Variants in DYNC1I1 observed in about 807,000 individuals in gnomAD.
DYNC1I1 encodes cytoplasmic dynein 1 intermediate chain 1.
DYNC1I1 carries 43 observed loss-of-function variants against 86.6 expected under a neutral mutation model. The ratio of observed to expected loss-of-function variants is 0.50; its 90% CI spans 0.39 to 0.64. The LOEUF (loss-of-function observed/expected upper bound fraction) is 0.64, where lower values mean the gene tolerates loss of function less well. Among genes scored for constraint, DYNC1I1 ranks in the 30% least tolerant of loss-of-function variants. The pLI is 0.00. For synonymous variants in DYNC1I1, 262 were observed against 283.7 expected, an observed-to-expected ratio of 0.92 and a Z score of 0.77; for missense variants, 604 against 788.8, an observed-to-expected ratio of 0.77 and a Z score of 2.81.
intron 1 of DYNC1I1, among the ~76,000 whole-genome samples, chr7:95,803,768 A>G (rs1214004685): frequency 6.6e-6 from 1 of 152,132 alleles, no homozygotes; most frequent in East Asian, 1.9e-4. Flanking sequence ...TTATTTTAGA[A>G]ATTTGGGCGA....
chr7:95,784,014 G>A (rs1794064483), intron 1 of DYNC1I1, among the ~76,000 whole-genome samples: 1 of 152,082 alleles, frequency 6.6e-6, no homozygotes, highest in Non-Finnish European at 1.5e-5. Flanking sequence ...TACAAACATT[G>A]ACTTCCTGAA....
At chr7:96,054,969 A>T (rs1400516573) in intron 14 of DYNC1I1, among the ~76,000 whole-genome samples, 1 of 152,028 alleles carries the variant, frequency 6.6e-6, no homozygotes, top group African/African-American at 2.4e-5. Flanking sequence ...CTTTAGTTGT[A>T]TTAGATCTCA....
downstream of DYNC1I1, among the ~76,000 whole-genome samples, chr7:96,100,992 C>A (rs913004259): frequency 1.3e-5 from 2 of 152,144 alleles, no homozygotes; most frequent in Non-Finnish European, 2.9e-5. Context: ...TTAGCAGTAG[C>A]TTTCCTTTGT....
intron 5 of DYNC1I1, among the ~76,000 whole-genome samples, chr7:95,838,050 G>A (rs1789164783): frequency 2.6e-5 from 4 of 152,180 alleles, no homozygotes; most frequent in Admixed American, 2.6e-4. Flanking sequence ...AGTCCCGCTT[G>A]TCTACTTTTG....
At chr7:95,849,579 G>A (rs560150774) in intron 5 of DYNC1I1, among the ~76,000 whole-genome samples, 42 of 152,204 alleles carry the variant, frequency 2.8e-4, no homozygotes, top group African/African-American at 9.4e-4. Flanking sequence ...TGGTCTGTAT[G>A]TATGTTTTTA....
chr7:95,913,996 T>G (rs1304839150), intron 6 of DYNC1I1, among the ~76,000 whole-genome samples: 1 of 152,182 alleles, frequency 6.6e-6, no homozygotes, highest in East Asian at 1.9e-4. Flanking sequence ...GGCAGAATTG[T>G]GCATTTGATC....
intron 4 of DYNC1I1, among the ~76,000 whole-genome samples, chr7:95,825,588 T>C (rs192149907): frequency 6.6e-6 from 1 of 152,302 alleles, no homozygotes; most frequent in Non-Finnish European, 1.5e-5. Flanking sequence ...GGGCTAATTT[T>C]CTTCAGCAGA....
chr7:95,779,253 T>G (rs1220039011), intron 1 of DYNC1I1, among the ~76,000 whole-genome samples: 1 of 152,206 alleles, frequency 6.6e-6, no homozygotes, highest in East Asian at 1.9e-4. Context: ...AAGTCAATTT[T>G]TTTGTCTTTA....
chr7:96,063,386 C>A (rs1789852581), intron 14 of DYNC1I1, among the ~76,000 whole-genome samples: 1 of 152,110 alleles, frequency 6.6e-6, no homozygotes. Flanking sequence ...GCCTTCTCTT[C>A]TCATTTGAGA....
At chr7:95,849,875 G>A (rs1789531827) in intron 5 of DYNC1I1, among the ~76,000 whole-genome samples, 1 of 152,102 alleles carries the variant, frequency 6.6e-6, no homozygotes, top group Non-Finnish European at 1.5e-5. Context: ...CAATTTATTT[G>A]TGTCTTCTTC....
chr7:95,914,168 C>T (rs1791410275), intron 6 of DYNC1I1, among the ~76,000 whole-genome samples: 1 of 152,222 alleles, frequency 6.6e-6, no homozygotes, highest in Non-Finnish European at 1.5e-5. Flanking sequence ...CACATTTCAT[C>T]TATGACATCA....
intron 7 of DYNC1I1, among the ~76,000 whole-genome samples, chr7:95,977,902 C>T (rs1584219148): frequency 6.6e-6 from 1 of 152,250 alleles, no homozygotes; most frequent in African/African-American, 2.4e-5. Flanking sequence ...TTCACAGAAC[C>T]ATATATTCCC....
At chr7:95,866,397 C>T (rs548318480) in intron 5 of DYNC1I1, among the ~76,000 whole-genome samples, 12 of 152,206 alleles carry the variant, frequency 7.9e-5, no homozygotes, top group South Asian at 2.1e-4. Context: ...TTAGAGAACA[C>T]GCAGGAAAAC....
At position 96,098,287 on chromosome 7, in the gene DYNC1I1, C is replaced by G; in HGVS notation, c.*694C>G. 1 of 985,796 alleles carries G rather than the reference C, an allele frequency of 1.0e-6. No individual in the cohort carries two copies. The highest frequency in any genetic ancestry group is 1.2e-6 in the Non-Finnish European group (1 of 829,932). The allele number at this position is 985,796 out of a possible 1,614,324, so 61.1% of individuals were successfully genotyped here. A position where few individuals can be genotyped will look rare whatever the true frequency, so the allele number is the denominator to read the frequency against. On this transcript the variant is annotated 3_prime_UTR_variant, in exon 17 of 17. Transcript: ENST00000447467. ...GCAGTGAACGAAATGAATTTTAATGCCTATTATTTCTGGGTACTTTAACAA... is the reference window on the plus strand; with the variant it reads ...GCAGTGAACGAAATGAATTTTAATGGCTATTATTTCTGGGTACTTTAACAA...
At position 95,887,080 on chromosome 7, in the gene DYNC1I1, C is replaced by G. The variant is rs142966696; in HGVS notation, c.490+17082C>G. ...AGGAGGTCCTCTACTCAGCCAGTCTCATCTCCTGCTCTCTACAGTTCCGTC... is the reference window on the plus strand; with the variant it reads ...AGGAGGTCCTCTACTCAGCCAGTCTGATCTCCTGCTCTCTACAGTTCCGTC... On this transcript the variant is annotated intron_variant, in intron 6 of 16. Coordinates refer to ENST00000447467, the MANE Select transcript of DYNC1I1 (RefSeq NM_001135556.2). Among the ~76,000 whole-genome samples, 3 of 152,174 alleles carry G rather than the reference C, an allele frequency of 2.0e-5. No individual in the cohort carries two copies. In the East Asian group the frequency reaches 5.8e-4, roughly 29 times the overall value.
intron 8 of DYNC1I1, among the ~76,000 whole-genome samples, chr7:95,986,051 TG>T (rs1793583730): frequency 6.6e-6 from 1 of 151,342 alleles, no homozygotes; most frequent in Non-Finnish European, 1.5e-5. Flanking sequence ...TGTGTGTGTG[TG>T]TGTGTGTGTG....
intron 10 of DYNC1I1, among the ~76,000 whole-genome samples, chr7:96,001,045 C>T (rs1479041027): frequency 6.6e-6 from 1 of 152,184 alleles, no homozygotes; most frequent in East Asian, 1.9e-4. Context: ...AAAAACTAGC[C>T]TCTTACTAGC....
chr7:95,836,971 C>T (rs2115984228), intron 5 of DYNC1I1, among the ~76,000 whole-genome samples: 1 of 152,300 alleles, frequency 6.6e-6, no homozygotes, highest in East Asian at 1.9e-4. Context: ...CTCAGCTCGT[C>T]AAGGTCGTTC....
intron 6 of DYNC1I1, among the ~76,000 whole-genome samples, chr7:95,872,072 A>T (rs10225580): frequency 2.0e-5 from 3 of 152,196 alleles, no homozygotes; most frequent in African/African-American, 4.8e-5. Context: ...GCCCGGCCAT[A>T]GAGGGTGCTG....
Sources: allele counts gnomAD v4.1 joint callset (sites outside exome capture counted in the v4.1 genomes callset), GRCh38; gene constraint gnomAD v4.1.1; transcripts MANE v1.5; gene names NCBI Gene and HGNC (gene_info 2026-07-23, HGNC 2026-07-21).